Variants in SLC33A1 observed in about 807,000 individuals in gnomAD.
The protein encoded by SLC33A1 is solute carrier family 33 member 1.
In SLC33A1, 20 loss-of-function variants were observed where a neutral mutation model predicts 50.0. The observed-to-expected ratio is 0.40, with a 90% CI of 0.28 to 0.58. The LOEUF (loss-of-function observed/expected upper bound fraction) is 0.58. SLC33A1 is among the 20% of genes least tolerant of loss of function. The pLI, the probability that SLC33A1 is intolerant of heterozygous loss-of-function variation, is 0.44. For synonymous variants in SLC33A1, 265 were observed against 251.8 expected (o/e 1.05, Z -0.50); for missense variants, 476 against 657.0 (o/e 0.72, Z 3.01).
chr3:155,831,285 G>A lies in SLC33A1; in HGVS notation c.1267-1382C>T, dbSNP rs145804787. Among the ~76,000 whole-genome samples the A allele has an allele frequency of 3.2e-3, 483 of 151,520 alleles. 2 individuals are homozygous for A. Among genetic ancestry groups the A allele is most frequent in the African/African-American group, 0.011 (462 of 41,338 alleles). On this transcript the variant is annotated intron_variant, in intron 4 of 5. Coordinates refer to ENST00000643144, the MANE Select transcript of SLC33A1 (RefSeq NM_004733.4). ...CAGCCTGGCCAATGTGGTAAAACCC[G>A]TCTCTACTAAAAATACAAAAATCAG...
rs78246408 is a variant in SLC33A1, at chr3:155,845,758, C to A, written c.776-3139G>T. ...ACATTGCTTTGATGCTAGAGACATC[C>A]ATAGCCTGTTATGCCAACAACCATA... is the stretch of plus-strand genomic sequence containing the variant. On this transcript the variant is annotated intron_variant, in intron 1 of 5. Coordinates refer to ENST00000643144, the MANE Select transcript of SLC33A1 (RefSeq NM_004733.4). Among the ~76,000 whole-genome samples the A allele has an allele frequency of 3.2e-3, 485 of 152,272 alleles. 2 individuals are homozygous for A. The highest frequency in any genetic ancestry group is 0.011 in the African/African-American group (468 of 41,556).
intron 4 of SLC33A1, among the ~76,000 whole-genome samples, chr3:155,831,293 T>C (rs1378799878): frequency 6.6e-6 from 1 of 151,390 alleles, no homozygotes; most frequent in Non-Finnish European, 1.5e-5. Context: ...CCGTCTCTAC[T>C]AAAAATACAA....
intron 2 of SLC33A1, among the ~76,000 whole-genome samples, chr3:155,835,144 T>C (rs1752594830): frequency 6.6e-6 from 1 of 152,194 alleles, no homozygotes; most frequent in Non-Finnish European, 1.5e-5. Context: ...AAGGTACTTA[T>C]GGATAAAAGT....
At chr3:155,853,128 A>G in intron 1 of SLC33A1, 95 bp downstream of exon 1, 1 of 1,163,724 alleles carries the variant, frequency 8.6e-7, no homozygotes, top group Non-Finnish European at 1.3e-6. Flanking sequence ...CTCCCATACA[A>G]TGATTTCCAG....
intron 5 of SLC33A1, 100 bp downstream of exon 5, chr3:155,829,588 G>A: frequency 1.2e-6 from 1 of 849,706 alleles, no homozygotes; most frequent in African/African-American, 1.7e-5. Context: ...CCTATGGACA[G>A]ATATGATTTT....
intron 1 of SLC33A1, among the ~76,000 whole-genome samples, chr3:155,843,820 C>T (rs1753018498): frequency 6.6e-6 from 1 of 152,156 alleles, no homozygotes; most frequent in African/African-American, 2.4e-5. Context: ...AATTTCAAAA[C>T]TTGTATCTCA....
chr3:155,838,192 A>G (rs929867138), intron 2 of SLC33A1, among the ~76,000 whole-genome samples: 1 of 151,856 alleles, frequency 6.6e-6, no homozygotes, highest in Non-Finnish European at 1.5e-5. Context: ...AATCCCAGCT[A>G]CTTGGGAGGC....
chr3:155,826,738 T>A lies in SLC33A1; in HGVS notation c.*1472A>T, dbSNP rs1255511781. 1 of 152,158 alleles carries A rather than the reference T, an allele frequency of 6.6e-6. No individual in the cohort carries two copies. Among genetic ancestry groups the A allele is most frequent in the Non-Finnish European group, 1.5e-5 (1 of 68,032 alleles). The allele number at this position is 152,158 out of a possible 1,614,324, so 9.4% of individuals were successfully genotyped here. On this transcript the variant is annotated 3_prime_UTR_variant, in exon 6 of 6. Coordinates refer to ENST00000643144, the MANE Select transcript of SLC33A1 (RefSeq NM_004733.4). ...ATGAGTTCTAGAGGTCACTGCCCCA[T>A]CTTTCTTCAGGTGCTGTGTGCCATT...
chr3:155,826,949 G>A lies in SLC33A1; in HGVS notation c.*1261C>T, dbSNP rs962804216. The A allele has an allele frequency of 3.3e-5, 5 of 152,168 alleles. No homozygotes were observed. Among genetic ancestry groups the A allele is most frequent in the African/African-American group, 9.7e-5 (4 of 41,446 alleles). The allele number at this position is 152,168 out of a possible 1,614,324, so 9.4% of individuals were successfully genotyped here. On this transcript the variant is annotated 3_prime_UTR_variant, in exon 6 of 6. Coordinates refer to ENST00000643144, the MANE Select transcript of SLC33A1 (RefSeq NM_004733.4). Reference sequence around the variant, plus strand: ...TTTATATAATCTCTAAAGAGTCAGAGTAATACATAACACAAAACATGCAAA... The same window carrying A: ...TTTATATAATCTCTAAAGAGTCAGAATAATACATAACACAAAACATGCAAA...
chr3:155,824,824 A>T lies in SLC33A1; in HGVS notation c.*3386T>A, dbSNP rs1053761797. On this transcript the variant is annotated 3_prime_UTR_variant, in exon 6 of 6. Transcript: ENST00000643144. Reference sequence around the variant, plus strand: ...TCCCACAGACATCAAAAACCTTGCAATAAAGGGGTGAAATCCAAAAATTAC... The same window carrying T: ...TCCCACAGACATCAAAAACCTTGCATTAAAGGGGTGAAATCCAAAAATTAC... The T allele has an allele frequency of 6.6e-6, 1 of 152,222 alleles. No individual in the cohort carries two copies. Among genetic ancestry groups the T allele is most frequent in the Non-Finnish European group, 1.5e-5 (1 of 68,036 alleles). 9.4% of individuals were successfully genotyped at this position (152,222 alleles called of 1,614,324 possible). A position where few individuals can be genotyped will look rare whatever the true frequency, so the allele number is the denominator to read the frequency against.
rs142734706 is a variant in SLC33A1, at chr3:155,829,449, G to C, written c.1482+239C>G. ...TGTGTAGGACAGTGATCGTCAAGGT[G>C]GGGGAAAGAGAGATCGCCTCTCCTT... On this transcript the variant is annotated intron_variant, in intron 5 of 5. Transcript: ENST00000643144. Among the ~76,000 whole-genome samples, 571 of 152,226 alleles carry C rather than the reference G, an allele frequency of 3.8e-3. 6 individuals carry two copies. The highest frequency in any genetic ancestry group is 0.013 in the African/African-American group (544 of 41,532).
chr3:155,831,437 AAC>A (rs1218534979), intron 4 of SLC33A1, among the ~76,000 whole-genome samples: 1 of 137,538 alleles, frequency 7.3e-6, no homozygotes, highest in Non-Finnish European at 1.5e-5. Context: ...CAGCCTGGGC[AAC>A]AGAGTGAGAC....
chr3:155,837,257 G>A (rs1338593271), intron 2 of SLC33A1, among the ~76,000 whole-genome samples: 1 of 151,036 alleles, frequency 6.6e-6, no homozygotes, highest in Non-Finnish European at 1.5e-5. Context: ...TTGGGAGGCT[G>A]AGGCAGGAGA....
In SLC33A1 at chr3:155,828,077, A is replaced by G; in HGVS notation, c.*133T>C. On this transcript the variant is annotated 3_prime_UTR_variant, in exon 6 of 6. Coordinates refer to ENST00000643144, the MANE Select transcript of SLC33A1 (RefSeq NM_004733.4). ...ATACAGAAAGGTTTCTATTTTTTCA[A>G]CCATTTGGCATTTTATATTATTAAT... 3 of 683,160 alleles carry G rather than the reference A, an allele frequency of 4.4e-6. No individual in the cohort carries two copies. Among genetic ancestry groups the G allele is most frequent in the Non-Finnish European group, 7.6e-6 (3 of 395,488 alleles). The allele number at this position is 683,160 out of a possible 1,614,324, so 42.3% of individuals were successfully genotyped here. A position where few individuals can be genotyped will look rare whatever the true frequency, so the allele number is the denominator to read the frequency against.
In SLC33A1 at chr3:155,838,550, G is replaced by A. The variant is rs188076146; in HGVS notation, c.963+3882C>T. 4.6e-5 allele frequency among the ~76,000 whole-genome samples: 7 copies of A among 151,450 alleles called. No individual in the cohort carries two copies. The East Asian group carries it at 7.9e-4, about 17-fold the overall frequency. On this transcript the variant is annotated intron_variant, in intron 2 of 5. Transcript: ENST00000643144. The stretch of plus-strand genomic sequence containing the variant: ...ACAAAAATTAGCCGGGTGTGGTGGT[G>A]CACACCTGTAATCCCAGCTACTCCG...
At position 155,842,404 on chromosome 3, in the gene SLC33A1, T is replaced by C. The variant is rs1249262662; in HGVS notation, c.963+28A>G. On this transcript the variant is annotated intron_variant, in intron 2 of 5. Transcript: ENST00000643144. The stretch of plus-strand genomic sequence containing the variant: ...CATGATATTGATACTTATAAGAAAA[T>C]GATAAATTTGATTTATAAATCTCTT... The C allele has an allele frequency of 2.1e-6, 3 of 1,460,644 alleles. No individual in the cohort carries two copies. In the African/African-American group the frequency reaches 4.2e-5, roughly 20 times the overall value. 90.5% of individuals were successfully genotyped at this position (1,460,644 alleles called of 1,614,324 possible). A position where few individuals can be genotyped will look rare whatever the true frequency, so the allele number is the denominator to read the frequency against.
chr3:155,842,298 CAG>C, intron 2 of SLC33A1, 132 bp downstream of exon 2: 2 of 608,996 alleles, frequency 3.3e-6, no homozygotes, highest in Non-Finnish European at 5.7e-6. Context: ...ATTTAATAAA[CAG>C]AAAATATTGT....
At chr3:155,830,134 C>T (rs1328751737) in intron 4 of SLC33A1, among the ~76,000 whole-genome samples, 7 of 150,844 alleles carry the variant, frequency 4.6e-5, no homozygotes, top group South Asian at 4.2e-4. Flanking sequence ...GAGGCCAAGG[C>T]GGGCGGATCA....
At chr3:155,849,859 G>A (rs978466456) in intron 1 of SLC33A1, among the ~76,000 whole-genome samples, 10 of 149,256 alleles carry the variant, frequency 6.7e-5, no homozygotes, top group African/African-American at 2.5e-4. Flanking sequence ...AGTGAGCTGA[G>A]ATCATACCAC....
Sources: gnomAD v4.1 joint callset for allele counts (sites outside exome capture counted in the v4.1 genomes callset) on GRCh38, gnomAD v4.1.1 for gene constraint, MANE v1.5 for transcripts, NCBI Gene and HGNC (gene_info 2026-07-23, HGNC 2026-07-21) for gene names.